The following NCR2 variants were observed in gnomAD, a reference collection of about 807,000 sequenced individuals.
NCR2 encodes NK cell activating receptor (NKp44).
NCR2 carries 35 observed loss-of-function variants against 30.7 expected under a neutral mutation model. That is an observed-to-expected ratio of 1.14 (90% CI 0.87 to 1.51). The LOEUF (loss-of-function observed/expected upper bound fraction) is 1.51, where lower values mean the gene tolerates loss of function less well. NCR2 is among the 40% of genes most tolerant of loss of function. NCR2 has a pLI of 0.00. For missense variants in NCR2, 316 were observed against 328.9 expected, an observed-to-expected ratio of 0.96 and a Z score of 0.30; for synonymous variants, 146 against 134.8, an observed-to-expected ratio of 1.08 and a Z score of -0.58.
chr6:41,339,349 A>G (rs1186724997), intron 2 of NCR2, among the ~76,000 whole-genome samples: 1 of 151,748 alleles, frequency 6.6e-6, no homozygotes, highest in African/African-American at 2.4e-5. Flanking sequence ...GGCTTGAGCC[A>G]CCATGCCCAG....
chr6:41,339,615 G>A (rs530822389), intron 2 of NCR2, among the ~76,000 whole-genome samples: 1 of 150,020 alleles, frequency 6.7e-6, no homozygotes, highest in East Asian at 2.0e-4. Flanking sequence ...TCGATCTCCT[G>A]ACCTCATGAT....
At chr6:41,339,250 T>C (rs9471582) in intron 2 of NCR2, among the ~76,000 whole-genome samples, 18,581 of 151,678 alleles carry the variant, frequency 0.12, 1,619 homozygotes, top group East Asian at 0.31. Flanking sequence ...TTAGTAGAGA[T>C]GGGGTTTCAC....
chr6:41,337,823 TC>T (rs1384224987), intron 2 of NCR2, among the ~76,000 whole-genome samples: 2 of 152,210 alleles, frequency 1.3e-5, no homozygotes, highest in Non-Finnish European at 2.9e-5. Context: ...CAAAACTTTA[TC>T]CTAAAACTTA....
At chr6:41,337,206 A>G (rs933166402) in intron 2 of NCR2, among the ~76,000 whole-genome samples, 2 of 152,264 alleles carry the variant, frequency 1.3e-5, no homozygotes, top group African/African-American at 2.4e-5. Flanking sequence ...AAAAATTACT[A>G]GAAAAATAAG....
chr6:41,347,348 A>G (rs1769326548), intron 4 of NCR2, among the ~76,000 whole-genome samples: 1 of 152,196 alleles, frequency 6.6e-6, no homozygotes, highest in Admixed American at 6.5e-5. Context: ...CCCTCCAGCT[A>G]CTGCTCCATT....
In NCR2 at chr6:41,335,765, AT is replaced by A; in HGVS notation, c.-107del. On this transcript the variant is annotated 5_prime_UTR_variant, in exon 1 of 5. Coordinates refer to ENST00000373089, the MANE Select transcript of NCR2 (RefSeq NM_004828.4). ...CCCAACCCAGGCCTCAGCCTGTCTC[AT>A]TTTTCTATCAGACGTGCTGGAAGAG... 1 of 1,253,172 alleles carries A rather than the reference AT, an allele frequency of 8.0e-7. No homozygotes were observed. The allele number at this position is 1,253,172 out of a possible 1,614,324, so 77.6% of individuals were successfully genotyped here.
At chr6:41,343,583 G>A (rs1769228544) in intron 4 of NCR2, among the ~76,000 whole-genome samples, 1 of 152,248 alleles carries the variant, frequency 6.6e-6, no homozygotes, top group Admixed American at 6.5e-5. Context: ...AGAACCAGAA[G>A]AGGTTTAGAG....
At chr6:41,344,453 G>A (rs1480117606) in intron 4 of NCR2, among the ~76,000 whole-genome samples, 1 of 152,222 alleles carries the variant, frequency 6.6e-6, no homozygotes, top group Non-Finnish European at 1.5e-5. Flanking sequence ...ACCAGACTGA[G>A]ACTGACGTGA....
chr6:41,340,146 A>AGTTT (rs1769133115), intron 2 of NCR2, among the ~76,000 whole-genome samples: 1 of 82,260 alleles, frequency 1.2e-5, no homozygotes, highest in Non-Finnish European at 2.2e-5. Context: ...ATAGCTAACA[A>AGTTT]CTTTATTTAT....
At chr6:41,347,644 C>T (rs138332023) in intron 4 of NCR2, among the ~76,000 whole-genome samples, 1 of 152,356 alleles carries the variant, frequency 6.6e-6, no homozygotes, top group Non-Finnish European at 1.5e-5. Flanking sequence ...TTTCTCCTGA[C>T]TCATTTGATG....
intron 2 of NCR2, 117 bp from the exon 3 acceptor site, chr6:41,341,677 C>CT: frequency 7.5e-7 from 1 of 1,333,122 alleles, no homozygotes; most frequent in Non-Finnish European, 1.0e-6. Context: ...TAGTTTTCTT[C>CT]TCTGGGCGCA....
At chr6:41,336,535 G>C (rs1280685447) in intron 2 of NCR2, 107 bp downstream of exon 2, 1 of 902,024 alleles carries the variant, frequency 1.1e-6, no homozygotes, top group African/African-American at 1.7e-5. Flanking sequence ...CCACGCCCCA[G>C]TCTCCTGGGA....
At chr6:41,341,296 A>G (rs1473043732) in intron 2 of NCR2, among the ~76,000 whole-genome samples, 27 of 152,112 alleles carry the variant, frequency 1.8e-4, no homozygotes, top group Admixed American at 1.8e-3. Flanking sequence ...CCCAGAGTCA[A>G]GAGGGGCTGT....
intron 2 of NCR2, among the ~76,000 whole-genome samples, chr6:41,337,587 A>G (rs896574585): frequency 6.6e-6 from 1 of 152,234 alleles, no homozygotes; most frequent in Non-Finnish European, 1.5e-5. Flanking sequence ...ATGACACCAC[A>G]TCACTTAGGA....
chr6:41,346,162 G>A (rs1056469370), intron 4 of NCR2, among the ~76,000 whole-genome samples: 1 of 151,964 alleles, frequency 6.6e-6, no homozygotes, highest in Non-Finnish European at 1.5e-5. Context: ...CAGGCTCAGC[G>A]TCACTCTGAC....
In NCR2 at chr6:41,335,762, C is replaced by A; in HGVS notation, c.-115C>A. ...CTCCCCAACCCAGGCCTCAGCCTGTCTCATTTTTCTATCAGACGTGCTGGA... is the reference window on the plus strand; with the variant it reads ...CTCCCCAACCCAGGCCTCAGCCTGTATCATTTTTCTATCAGACGTGCTGGA... On this transcript the variant is annotated 5_prime_UTR_variant, in exon 1 of 5. Coordinates refer to ENST00000373089, the MANE Select transcript of NCR2 (RefSeq NM_004828.4). The A allele has an allele frequency of 8.3e-7, 1 of 1,207,450 alleles. No homozygotes were observed. The highest frequency in any genetic ancestry group is 1.5e-5 in the African/African-American group (1 of 67,038). The allele number at this position is 1,207,450 out of a possible 1,614,324, so 74.8% of individuals were successfully genotyped here. A position where few individuals can be genotyped will look rare whatever the true frequency, so the allele number is the denominator to read the frequency against.
chr6:41,350,066 C>T (rs139203579), intron 4 of NCR2, among the ~76,000 whole-genome samples: 1,547 of 152,306 alleles, frequency 0.01, 26 homozygotes, highest in African/African-American at 0.035. Context: ...GACAGTGTTG[C>T]TAAACTTTCT....
chr6:41,336,093 A>G lies in NCR2; in HGVS notation c.59A>G (p.Gln20Arg), dbSNP rs34345974. The change falls in exon 2 of 5, where the codon CAG becomes CGG. Residue 20 changes from glutamine (Q) to arginine (R), a missense_variant. Physicochemically the swap from Gln to Arg is conservative, Grantham distance 43. Coordinates refer to ENST00000373089, the MANE Select transcript of NCR2 (RefSeq NM_004828.4). The stretch of plus-strand genomic sequence containing the variant: ...TTACTTCATCATTCTCCAGGCTCTC[A>G]GGCACAATCCAAGGCTCAGGTACTT... ...LLLLLLFPGS[Q>R]AQSKAQVLQS... 2,834 of 1,612,746 alleles carry G rather than the reference A, an allele frequency of 1.8e-3. 31 individuals are homozygous for G. The African/African-American group carries it at 0.026, about 15-fold the overall frequency.
chr6:41,342,023 C>T lies in NCR2; in HGVS notation c.531-13C>T, dbSNP rs370356188. On this transcript the variant is annotated splice_polypyrimidine_tract_variant and intron_variant, in intron 3 of 4. Transcript: ENST00000373089. Reference sequence around the variant, plus strand: ...AGCCCGTCCTCTCCCCTTCCTGTCCCTCTGCCTTCCAGGCCACAGAACTCC... The same window carrying T: ...AGCCCGTCCTCTCCCCTTCCTGTCCTTCTGCCTTCCAGGCCACAGAACTCC... The T allele has an allele frequency of 1.9e-6, 3 of 1,613,882 alleles. No individual in the cohort carries two copies. In the African/African-American group the frequency reaches 4.0e-5, roughly 22 times the overall value.
Sources: allele counts gnomAD v4.1 joint callset (sites outside exome capture counted in the v4.1 genomes callset), GRCh38; gene constraint gnomAD v4.1.1; transcripts MANE v1.5; gene names NCBI Gene and HGNC (gene_info 2026-07-23, HGNC 2026-07-21).